The following ACTL8 variants were observed in gnomAD, a reference collection of about 807,000 sequenced individuals.
ACTL8 encodes the protein actin like 8.
Under a neutral mutation model 9.3 loss-of-function variants are expected in ACTL8, and 3 were observed. The ratio of observed to expected loss-of-function variants is 0.32; its 90% CI spans 0.15 to 0.83. The LOEUF (loss-of-function observed/expected upper bound fraction) is 0.83. ACTL8 is among the 40% of genes least tolerant of loss of function. The pLI, the probability that ACTL8 is intolerant of heterozygous loss-of-function variation, is 0.57. For missense variants in ACTL8, 381 were observed against 492.2 expected (o/e 0.77, Z 2.14); for synonymous variants, 224 against 205.9 (o/e 1.09, Z -0.75).
chr1:17,772,028 G>C (rs1196772684), intron 1 of ACTL8, among the ~76,000 whole-genome samples: 1 of 152,172 alleles, frequency 6.6e-6, no homozygotes, highest in Non-Finnish European at 1.5e-5. Flanking sequence ...ACAGGGAGGT[G>C]GTGGGAGACA....
At chr1:17,798,603 A>T (rs1291118451) in intron 1 of ACTL8, among the ~76,000 whole-genome samples, 1 of 152,194 alleles carries the variant, frequency 6.6e-6, no homozygotes, top group African/African-American at 2.4e-5. Context: ...TTCTACCAGG[A>T]TGATTGAGAT....
intron 1 of ACTL8, among the ~76,000 whole-genome samples, chr1:17,755,947 G>C (rs950270322): frequency 6.6e-6 from 1 of 151,752 alleles, no homozygotes; most frequent in Non-Finnish European, 1.5e-5. Flanking sequence ...GTCCTGGGGT[G>C]GGGGGCTGTT....
At chr1:17,816,266 A>G (rs1315868213) in intron 1 of ACTL8, among the ~76,000 whole-genome samples, 3 of 150,502 alleles carry the variant, frequency 2.0e-5, no homozygotes, top group Non-Finnish European at 4.4e-5. Context: ...CAGTGGTGCA[A>G]TCTTAGCTCT....
In ACTL8 at chr1:17,825,788, G is replaced by A; in HGVS notation, c.370G>A (p.Val124Ile). 6.2e-7 allele frequency: 1 copy of A among 1,613,446 alleles called. No individual in the cohort carries two copies. The highest frequency in any genetic ancestry group is 8.5e-7 in the Non-Finnish European group (1 of 1,179,854). ...GCAGATCCTGTTTGAGTTGCTGCAT[G>A]TCCCATCGGTCCTCCTGGCCGACCA... ...MLEILFELLH[V>I]PSVLLADQLQ... Residue 124 changes from valine to isoleucine, a missense_variant, in exon 3 of 3, where the codon GTC becomes ATC. Coordinates refer to ENST00000375406, the MANE Select transcript of ACTL8 (RefSeq NM_030812.3).
intron 2 of ACTL8, 132 bp from the exon 3 acceptor site, chr1:17,825,635 C>G: frequency 8.3e-7 from 1 of 1,208,654 alleles, no homozygotes; most frequent in Non-Finnish European, 1.1e-6. Flanking sequence ...TGCATAAGCT[C>G]CAGGGGCCCT....
Position 17,823,381 on chromosome 1 carries a change from C to G in ACTL8, c.348+25C>G. ...GGTGAGGCCTGCCGGGGCCTGCTCC[C>G]ACTCGGGAGCGGGAAACAGACTGAC... On this transcript the variant is annotated intron_variant, in intron 2 of 2. Transcript: ENST00000375406. This position sits in a 1 kb window ranked among gnomAD's most constrained non-coding sequence, Gnocchi z 5.3. The G allele has an allele frequency of 6.3e-7, 1 of 1,589,100 alleles. No homozygotes were observed. The highest frequency in any genetic ancestry group is 1.1e-5 in the South Asian group (1 of 88,378).
At chr1:17,758,731 G>T (rs2065982758) in intron 1 of ACTL8, among the ~76,000 whole-genome samples, 1 of 152,176 alleles carries the variant, frequency 6.6e-6, no homozygotes, top group Non-Finnish European at 1.5e-5. Context: ...GCTTGTGATG[G>T]TCAGGGATAG....
chr1:17,761,134 ATTT>A (rs935834059), intron 1 of ACTL8, among the ~76,000 whole-genome samples: 6 of 131,366 alleles, frequency 4.6e-5, no homozygotes, highest in African/African-American at 1.1e-4. Context: ...TTGCGGCTTA[ATTT>A]TTTTTTTTTT....
intron 1 of ACTL8, among the ~76,000 whole-genome samples, chr1:17,786,533 C>T (rs2066198952): frequency 6.6e-6 from 1 of 152,068 alleles, no homozygotes; most frequent in African/African-American, 2.4e-5. Context: ...GTTACTTAGC[C>T]TGTTACTGTT....
At chr1:17,790,154 C>T (rs59457280) in intron 1 of ACTL8, among the ~76,000 whole-genome samples, 6,025 of 152,316 alleles carry the variant, frequency 0.04, 411 homozygotes, top group African/African-American at 0.14. Flanking sequence ...GCAGCTTCCA[C>T]GGCTGGCACC....
chr1:17,771,814 G>A (rs1364199748), intron 1 of ACTL8, among the ~76,000 whole-genome samples: 2 of 152,184 alleles, frequency 1.3e-5, no homozygotes, highest in Non-Finnish European at 2.9e-5. Flanking sequence ...TGGACAAATG[G>A]ACACTGAGGT....
chr1:17,813,330 A>G (rs1455622858), intron 1 of ACTL8, among the ~76,000 whole-genome samples: 1 of 152,184 alleles, frequency 6.6e-6, no homozygotes, highest in African/African-American at 2.4e-5. Flanking sequence ...CTAGTTAAAG[A>G]TTTTTATGAT....
At chr1:17,817,019 A>G (rs1040776729) in intron 1 of ACTL8, among the ~76,000 whole-genome samples, 3 of 150,174 alleles carry the variant, frequency 2.0e-5, no homozygotes, top group African/African-American at 7.4e-5. Flanking sequence ...TATTTTTTTC[A>G]CTCATTGTCC....
chr1:17,779,995 C>G (rs2066144083), intron 1 of ACTL8, among the ~76,000 whole-genome samples: 1 of 152,012 alleles, frequency 6.6e-6, no homozygotes, highest in African/African-American at 2.4e-5. Context: ...TTGCTTGAGT[C>G]CAGGAGTTTG....
At chr1:17,800,623 C>T (rs1209019199) in intron 1 of ACTL8, among the ~76,000 whole-genome samples, 13 of 113,878 alleles carry the variant, frequency 1.1e-4, no homozygotes, top group East Asian at 2.7e-4. Context: ...GACAGAGTCT[C>T]GCACTATTGT....
At position 17,825,943 on chromosome 1, in the gene ACTL8, C is replaced by G. The variant is rs1398903703; in HGVS notation, c.525C>G (p.Phe175Leu). 1.9e-6 allele frequency: 3 copies of G among 1,611,354 alleles called. No individual in the cohort carries two copies. The highest frequency in any genetic ancestry group is 2.5e-6 in the Non-Finnish European group (3 of 1,180,026). ...PLPASGKTLE[F>L]AGQDLSAYLL... ...CCGCCAGCGGCAAGACGCTGGAGTT[C>G]GCCGGCCAGGATCTCTCCGCCTATC... Residue 175 changes from phenylalanine to leucine, a missense_variant, in exon 3 of 3, where the codon TTC (phenylalanine) becomes TTG (leucine). By Grantham distance (22) the Phe-to-Leu change is conservative (BLOSUM62 0). Coordinates refer to ENST00000375406, the MANE Select transcript of ACTL8 (RefSeq NM_030812.3).
Position 17,823,621 on chromosome 1 carries a change from G to A in ACTL8, c.348+265G>A, listed in dbSNP as rs1363708779. 7.2e-5 allele frequency among the ~76,000 whole-genome samples: 11 copies of A among 152,102 alleles called. No homozygotes were observed. Among genetic ancestry groups the A allele is most frequent in the Non-Finnish European group, 1.5e-5 (1 of 68,018 alleles). On this transcript the variant is annotated intron_variant, in intron 2 of 2. Transcript: ENST00000375406. The surrounding 1 kb of genome is among the most constrained non-coding windows in gnomAD (Gnocchi z 5.3). ...TAGCCAGGTGTGGTCCCAGCTACCT[G>A]GGAGGCTGAGGTGGGAGGATCAGTT...
At chr1:17,768,879 G>A (rs1557428414) in intron 1 of ACTL8, among the ~76,000 whole-genome samples, 1 of 152,122 alleles carries the variant, frequency 6.6e-6, no homozygotes, top group Non-Finnish European at 1.5e-5. Context: ...AGTCTTGGGA[G>A]GGTAATTGTG....
chr1:17,787,885 C>T (rs777760337), intron 1 of ACTL8, among the ~76,000 whole-genome samples: 5 of 152,128 alleles, frequency 3.3e-5, no homozygotes, highest in South Asian at 4.2e-4. Context: ...TGAGAGAGGT[C>T]GTTTTCCTGT....
Sources: allele counts gnomAD v4.1 joint callset (sites outside exome capture counted in the v4.1 genomes callset), GRCh38; gene constraint gnomAD v4.1.1; non-coding constraint Gnocchi (gnomAD v3.1); transcripts MANE v1.5; gene names NCBI Gene and HGNC (gene_info 2026-07-23, HGNC 2026-07-21).